The following NCEH1 variants were observed in gnomAD, a reference collection of about 807,000 sequenced individuals.
NCEH1 encodes neutral cholesterol ester hydrolase 1.
Under a neutral mutation model 25.4 loss-of-function variants are expected in NCEH1, and 9 were observed. That is an observed-to-expected ratio of 0.35 (90% CI 0.21 to 0.62). The LOEUF is 0.62. NCEH1 is among the 20% of genes least tolerant of loss of function. The pLI is 0.72. For synonymous variants in NCEH1, 200 were observed against 199.8 expected, an observed-to-expected ratio of 1.00 and a Z score of -0.01; for missense variants, 412 against 501.1, an observed-to-expected ratio of 0.82 and a Z score of 1.70.
intron 1 of NCEH1, among the ~76,000 whole-genome samples, chr3:172,687,364 G>A (rs1263841493): frequency 2.0e-5 from 3 of 152,088 alleles, no homozygotes; most frequent in East Asian, 1.9e-4. Flanking sequence ...GCCTCCTAAC[G>A]TCTCTAGGCT....
chr3:172,670,829 A>G (rs950586210), intron 1 of NCEH1, among the ~76,000 whole-genome samples: 4 of 152,212 alleles, frequency 2.6e-5, no homozygotes, highest in Non-Finnish European at 4.4e-5. Context: ...TAAAAGAACC[A>G]AAAACCTATT....
intron 1 of NCEH1, among the ~76,000 whole-genome samples, chr3:172,674,758 C>T (rs1711857700): frequency 6.6e-6 from 1 of 152,154 alleles, no homozygotes; most frequent in South Asian, 2.1e-4. Flanking sequence ...CACTGTGGCA[C>T]CCACAATGTG....
At chr3:172,653,744 G>GTTTTGT in intron 1 of NCEH1, among the ~76,000 whole-genome samples, 1 of 95,676 alleles carries the variant, frequency 1.0e-5, no homozygotes, top group African/African-American at 4.2e-5. Flanking sequence ...TGTTTTTTTT[G>GTTTTGT]TTTTTTTGTT....
chr3:172,638,018 G>C (rs541111380), intron 3 of NCEH1, among the ~76,000 whole-genome samples: 25 of 152,116 alleles, frequency 1.6e-4, no homozygotes, highest in Non-Finnish European at 2.6e-4. Context: ...ACAAGACCTG[G>C]GCGAAAGAGC....
chr3:172,642,238 A>G (rs895862467), intron 3 of NCEH1, among the ~76,000 whole-genome samples: 7 of 152,010 alleles, frequency 4.6e-5, no homozygotes, highest in African/African-American at 1.5e-4. Context: ...CAGTGGCGCA[A>G]TCTCAGCTCA....
In NCEH1 at chr3:172,643,573, C is replaced by T. The variant is rs542248447; in HGVS notation, c.437+2050G>A. ...GTCCCTTCTAAATTTTAGCCCTTTT[C>T]AAAAAAATCCTCTTAAATATATCTT... On this transcript the variant is annotated intron_variant, in intron 3 of 4. Transcript: ENST00000475381. 2.8e-4 allele frequency among the ~76,000 whole-genome samples: 43 copies of T among 152,208 alleles called. No homozygotes were observed. The South Asian group carries it at 6.9e-3, about 24-fold the overall frequency.
intron 1 of NCEH1, among the ~76,000 whole-genome samples, chr3:172,652,960 C>T (rs936816598): frequency 6.6e-6 from 1 of 152,022 alleles, no homozygotes; most frequent in Non-Finnish European, 1.5e-5. Flanking sequence ...CCGTCTTGGC[C>T]TCCCAAAGTG....
chr3:172,683,836 T>G (rs2108523022), intron 1 of NCEH1, among the ~76,000 whole-genome samples: 1 of 152,356 alleles, frequency 6.6e-6, no homozygotes, highest in East Asian at 1.9e-4. Flanking sequence ...TCTTTGTAGG[T>G]TTTGAACTGC....
At position 172,645,694 on chromosome 3, in the gene NCEH1, TAA is replaced by T. The variant is rs770142715; in HGVS notation, c.368-4_368-3del. On this transcript the variant is annotated splice_polypyrimidine_tract_variant and splice_region_variant and intron_variant, in intron 2 of 4. Transcript: ENST00000475381. ...ACAGCTCATCATAATACCTGATTTC[TAA>T]AAGACACAAAGGGAACAATCATTAC... The T allele has an allele frequency of 1.2e-5, 19 of 1,576,580 alleles. No individual in the cohort carries two copies. Among genetic ancestry groups the T allele is most frequent in the Non-Finnish European group, 1.6e-5 (19 of 1,156,410 alleles).
intron 1 of NCEH1, among the ~76,000 whole-genome samples, chr3:172,689,319 C>T (rs560326331): frequency 7.8e-6 from 1 of 129,002 alleles, no homozygotes; most frequent in African/African-American, 3.1e-5. Context: ...ACTGCAATGG[C>T]GTGATCTCAG....
intron 1 of NCEH1, among the ~76,000 whole-genome samples, chr3:172,653,752 G>GTTTTTTTTTT (rs375874414): frequency 2.4e-5 from 2 of 83,844 alleles, no homozygotes; most frequent in African/African-American, 8.4e-5. Context: ...TTGTTTTTTT[G>GTTTTTTTTTT]TTTTTTTGTT....
At position 172,633,075 on chromosome 3, in the gene NCEH1, G is replaced by C. The variant is rs1451868497; in HGVS notation, c.*400C>G. ...TCAAGGTTAACTCTAGCAGAATTAA[G>C]GAGTCCTCGTTTTTTTAACTTATTA... On this transcript the variant is annotated 3_prime_UTR_variant, in exon 5 of 5. Transcript: ENST00000475381. 1 of 191,554 alleles carries C rather than the reference G, an allele frequency of 5.2e-6. No homozygotes were observed. The highest frequency in any genetic ancestry group is 1.1e-5 in the Non-Finnish European group (1 of 92,580). The allele number at this position is 191,554 out of a possible 1,614,324, so 11.9% of individuals were successfully genotyped here.
intron 1 of NCEH1, among the ~76,000 whole-genome samples, chr3:172,649,001 G>A (rs1356343201): frequency 1.3e-5 from 2 of 152,146 alleles, no homozygotes; most frequent in Non-Finnish European, 2.9e-5. Context: ...CAGAACACTG[G>A]TGATTAATGA....
chr3:172,676,726 TG>T (rs1712028054), intron 1 of NCEH1, among the ~76,000 whole-genome samples: 1 of 152,128 alleles, frequency 6.6e-6, no homozygotes, highest in Admixed American at 6.6e-5. Context: ...TTATCTAAAC[TG>T]GCGCGAGACC....
chr3:172,635,408 T>G (rs968983622), intron 4 of NCEH1, among the ~76,000 whole-genome samples: 2 of 152,202 alleles, frequency 1.3e-5, no homozygotes, highest in African/African-American at 4.8e-5. Flanking sequence ...GATATAGTTT[T>G]CAAAGAATTA....
At position 172,653,752 on chromosome 3, in the gene NCEH1, G is replaced by GTTTGTTTT. The variant is rs1553830343; in HGVS notation, c.139-5639_139-5638insAAAACAAA. On this transcript the variant is annotated intron_variant, in intron 1 of 4. Coordinates refer to ENST00000475381, the MANE Select transcript of NCEH1 (RefSeq NM_020792.6). ...GTTGTTCTGTTTTTTTTGTTTTTTT[G>GTTTGTTTT]TTTTTTTGTTTTTTTTTTTTTTTGA... Among the ~76,000 whole-genome samples the GTTTGTTTT allele has an allele frequency of 4.6e-3, 387 of 83,842 alleles. 14 individuals are homozygous for GTTTGTTTT. Among genetic ancestry groups the GTTTGTTTT allele is most frequent in the African/African-American group, 0.015 (370 of 23,884 alleles). The allele number at this position is 83,842 out of a possible 152,430, so 55.0% of individuals were successfully genotyped here.
chr3:172,705,135 C>T (rs1713904249), intron 1 of NCEH1, among the ~76,000 whole-genome samples: 1 of 152,144 alleles, frequency 6.6e-6, no homozygotes, highest in African/African-American at 2.4e-5. Context: ...GAAAAATTAT[C>T]CCTGGGGGGA....
intron 1 of NCEH1, among the ~76,000 whole-genome samples, chr3:172,699,735 T>C (rs937265139): frequency 5.9e-5 from 9 of 152,030 alleles, no homozygotes; most frequent in Non-Finnish European, 1.3e-4. Context: ...CATGGTGGTG[T>C]ATGCCTGTGG....
intron 1 of NCEH1, among the ~76,000 whole-genome samples, chr3:172,671,001 G>A (rs1318988219): frequency 6.6e-6 from 1 of 152,138 alleles, no homozygotes; most frequent in African/African-American, 2.4e-5. Context: ...AGAGTTTGAT[G>A]ATGAACTATG....
Sources: allele counts gnomAD v4.1 joint callset (sites outside exome capture counted in the v4.1 genomes callset), GRCh38; gene constraint gnomAD v4.1.1; transcripts MANE v1.5; gene names NCBI Gene and HGNC (gene_info 2026-07-23, HGNC 2026-07-21).